ADGRB3: variants seen among roughly 807,000 people sequenced by gnomAD.
The protein encoded by ADGRB3 is adhesion G protein-coupled receptor B3, also known as brain-specific angiogenesis inhibitor 3.
Under a neutral mutation model 193.4 loss-of-function variants are expected in ADGRB3, and 37 were observed. The ratio of observed to expected loss-of-function variants is 0.19; its 90% CI spans 0.15 to 0.25. The LOEUF is 0.25. ADGRB3 is among the 10% of genes least tolerant of loss of function. The pLI is 1.00. For missense variants in ADGRB3, 1,637 were observed against 1,852.9 expected, an observed-to-expected ratio of 0.88 and a Z score of 2.14; for synonymous variants, 690 against 644.2, an observed-to-expected ratio of 1.07 and a Z score of -1.08.
At chr6:69,212,441 G>A (rs1417874860) in intron 17 of ADGRB3, among the ~76,000 whole-genome samples, 1 of 151,918 alleles carries the variant, frequency 6.6e-6, no homozygotes, top group Non-Finnish European at 1.5e-5. Flanking sequence ...CAATAAAAGA[G>A]CTAAATTACA....
At chr6:69,060,214 C>CTT (rs1268820961) in intron 15 of ADGRB3, among the ~76,000 whole-genome samples, 1 of 138,104 alleles carries the variant, frequency 7.2e-6, no homozygotes, top group Non-Finnish European at 1.6e-5. Flanking sequence ...CTGTCTCTCT[C>CTT]TCTCTTTCTC....
chr6:69,210,708 C>G (rs1026312711), intron 17 of ADGRB3, among the ~76,000 whole-genome samples: 1 of 152,068 alleles, frequency 6.6e-6, no homozygotes, highest in Non-Finnish European at 1.5e-5. Context: ...TCTTAAAGGT[C>G]CCATCTCTCA....
chr6:68,787,927 C>A (rs939764867), intron 3 of ADGRB3, among the ~76,000 whole-genome samples: 1 of 152,220 alleles, frequency 6.6e-6, no homozygotes, highest in East Asian at 1.9e-4. Context: ...TCTAGATTTT[C>A]TAGTTTATTT....
rs1768763605 is a variant in ADGRB3, at chr6:69,333,171, T to A, written c.3188+163T>A. ...ATAAAAGTTTCCAATGTGCTATTTT[T>A]AAGCAATACGACCAAAAATCTAAAA... On this transcript the variant is annotated intron_variant, in intron 24 of 31. Transcript: ENST00000370598. 2.0e-5 allele frequency among the ~76,000 whole-genome samples: 3 copies of A among 152,212 alleles called. No homozygotes were observed. The South Asian group carries it at 6.2e-4, about 32-fold the overall frequency.
At chr6:68,691,366 G>A (rs1046299795) in intron 3 of ADGRB3, among the ~76,000 whole-genome samples, 3 of 151,992 alleles carry the variant, frequency 2.0e-5, no homozygotes, top group African/African-American at 7.2e-5. Context: ...CAAGGACCAG[G>A]CATTTGGTCG....
intron 20 of ADGRB3, among the ~76,000 whole-genome samples, chr6:69,306,113 C>A (rs929163514): frequency 6.6e-6 from 1 of 151,358 alleles, no homozygotes; most frequent in East Asian, 1.9e-4. Flanking sequence ...GGTTCAGTAA[C>A]CAATCCTTCA....
intron 17 of ADGRB3, among the ~76,000 whole-genome samples, chr6:69,228,441 TATG>T (rs1766066788): frequency 6.6e-6 from 1 of 152,198 alleles, no homozygotes; most frequent in Non-Finnish European, 1.5e-5. Flanking sequence ...CAACTAATAT[TATG>T]ATGTTGAATG....
At chr6:68,909,510 T>A (rs1766640798) in intron 3 of ADGRB3, among the ~76,000 whole-genome samples, 1 of 152,164 alleles carries the variant, frequency 6.6e-6, no homozygotes, top group South Asian at 2.1e-4. Flanking sequence ...AGGCAACAAA[T>A]TTTATCCTTC....
chr6:68,769,094 A>G (rs1766567269), intron 3 of ADGRB3, among the ~76,000 whole-genome samples: 1 of 152,104 alleles, frequency 6.6e-6, no homozygotes, highest in Non-Finnish European at 1.5e-5. Context: ...GTTGGTGGGA[A>G]TGTAAATTAG....
chr6:69,284,818 CAA>C (rs59457575), intron 20 of ADGRB3, among the ~76,000 whole-genome samples: 1 of 141,118 alleles, frequency 7.1e-6, no homozygotes, highest in African/African-American at 2.6e-5. Flanking sequence ...TTTGAGGGAA[CAA>C]AAAAAAAAGA....
chr6:68,888,226 A>G (rs1241670052), intron 3 of ADGRB3, among the ~76,000 whole-genome samples: 1 of 152,146 alleles, frequency 6.6e-6, no homozygotes, highest in Non-Finnish European at 1.5e-5. Flanking sequence ...AGCACTGATA[A>G]TCACCATTCC....
chr6:69,170,636 C>G (rs758605852), intron 17 of ADGRB3, among the ~76,000 whole-genome samples: 1 of 152,144 alleles, frequency 6.6e-6, no homozygotes. Context: ...GTAAACAATT[C>G]ACTCTGATAT....
At chr6:69,316,068 G>A (rs1768304401) in intron 20 of ADGRB3, among the ~76,000 whole-genome samples, 1 of 150,914 alleles carries the variant, frequency 6.6e-6, no homozygotes, top group Admixed American at 6.6e-5. Flanking sequence ...TAACAAACAT[G>A]TTCTCTTTTG....
At chr6:69,252,041 T>C (rs1766635174) in intron 20 of ADGRB3, among the ~76,000 whole-genome samples, 1 of 152,138 alleles carries the variant, frequency 6.6e-6, no homozygotes. Flanking sequence ...TAGAAAGTTC[T>C]CTCTTGTCTC....
intron 3 of ADGRB3, among the ~76,000 whole-genome samples, chr6:68,724,702 A>T (rs959710658): frequency 6.6e-6 from 1 of 150,490 alleles, no homozygotes; most frequent in African/African-American, 2.4e-5. Context: ...TTTCCTGAAG[A>T]TTCCTTATAA....
intron 3 of ADGRB3, among the ~76,000 whole-genome samples, chr6:68,730,086 T>C (rs1269633938): frequency 1.3e-5 from 2 of 151,750 alleles, no homozygotes; most frequent in African/African-American, 4.8e-5. Context: ...AGGATAAAGG[T>C]CTTACTCATT....
intron 3 of ADGRB3, among the ~76,000 whole-genome samples, chr6:68,884,096 A>G (rs1765828104): frequency 6.6e-6 from 1 of 152,206 alleles, no homozygotes; most frequent in Non-Finnish European, 1.5e-5. Flanking sequence ...TCTCTTGCGA[A>G]TGAGATCATG....
intron 17 of ADGRB3, among the ~76,000 whole-genome samples, chr6:69,131,707 A>G (rs1374813343): frequency 6.6e-6 from 1 of 152,074 alleles, no homozygotes; most frequent in African/African-American, 2.4e-5. Context: ...TATGTATGCC[A>G]TGGTGGTTTG....
intron 17 of ADGRB3, among the ~76,000 whole-genome samples, chr6:69,230,893 A>T (rs1173599956): frequency 6.6e-6 from 1 of 152,204 alleles, no homozygotes; most frequent in Non-Finnish European, 1.5e-5. Flanking sequence ...ACTCACTCAG[A>T]TGCTATTGTA....
Sources: gnomAD v4.1 joint callset for allele counts (sites outside exome capture counted in the v4.1 genomes callset) on GRCh38, gnomAD v4.1.1 for gene constraint, MANE v1.5 for transcripts, NCBI Gene and HGNC (gene_info 2026-07-23, HGNC 2026-07-21) for gene names.